Variants in SPATA13 observed in about 807,000 individuals in gnomAD.
SPATA13 encodes spermatogenesis-associated protein 13.
A neutral mutation model predicts 104.0 loss-of-function variants in SPATA13; 50 were observed. The ratio of observed to expected loss-of-function variants is 0.48; its 90% CI spans 0.38 to 0.61. The LOEUF (loss-of-function observed/expected upper bound fraction) is 0.61. Among genes scored for constraint, SPATA13 ranks in the 20% least tolerant of loss-of-function variants. The pLI, the probability that SPATA13 is intolerant of heterozygous loss-of-function variation, is 0.00. For missense variants in SPATA13, 1,524 were observed against 1,690.6 expected, an observed-to-expected ratio of 0.90 and a Z score of 1.73; for synonymous variants, 606 against 667.5, an observed-to-expected ratio of 0.91 and a Z score of 1.42.
Position 24,140,554 on chromosome 13 carries a change from C to G in SPATA13, c.-111-82265C>G, listed in dbSNP as rs552819676. 1.1e-4 allele frequency among the ~76,000 whole-genome samples: 17 copies of G among 152,310 alleles called. No individual in the cohort carries two copies. The East Asian group carries it at 3.1e-3, about 28-fold the overall frequency. On this transcript the variant is annotated intron_variant, in intron 3 of 14. Transcript: ENST00000424834. ...CTGTTTGGATCCAAATTCAGCCTCT[C>G]CCTACAGAGTCAAACGTTCCTCTTC...
At position 24,223,414 on chromosome 13, in the gene SPATA13, C is replaced by A; in HGVS notation, c.485C>A (p.Ser162Tyr). The A allele has an allele frequency of 6.4e-7, 1 of 1,551,194 alleles. No individual in the cohort carries two copies. Among genetic ancestry groups the A allele is most frequent in the Non-Finnish European group, 8.7e-7 (1 of 1,146,976 alleles). ...AVPGAQASRG[S>Y]PLAPGPACGA... ...CCAGGAGCCCAGGCAAGCAGGGGCT[C>A]CCCCTTAGCACCGGGACCAGCATGT... Residue 162 changes from serine (S) to tyrosine (Y), a missense_variant, in exon 2 of 13, where the codon TCC becomes TAC. This residue lies in a region of SPATA13 where 1,089 missense variants were observed against 1,135.9 expected (regional missense o/e 0.96). Transcript: ENST00000382108.
At chr13:23,986,698 G>A (rs1455460139) in intron 2 of SPATA13, among the ~76,000 whole-genome samples, 2 of 152,202 alleles carry the variant, frequency 1.3e-5, no homozygotes, top group Non-Finnish European at 2.9e-5. Context: ...TTGTGAGATA[G>A]CATTGTCTTC....
At chr13:24,288,856 G>A in intron 7 of SPATA13, 143 bp from the exon 8 acceptor site, 1 of 597,048 alleles carries the variant, frequency 1.7e-6, no homozygotes, top group Non-Finnish European at 2.7e-6. Context: ...AGTCATGGAA[G>A]TACGATGACC....
intron 2 of SPATA13, among the ~76,000 whole-genome samples, chr13:23,988,142 A>G (rs532170492): frequency 5.5e-4 from 84 of 152,088 alleles, no homozygotes; most frequent in Non-Finnish European, 9.1e-4. Context: ...ACGGGGTTTC[A>G]CTGTGTTGGC....
At chr13:24,026,033 G>T (rs1877197177) in intron 3 of SPATA13, among the ~76,000 whole-genome samples, 1 of 152,066 alleles carries the variant, frequency 6.6e-6, no homozygotes, top group Non-Finnish European at 1.5e-5. Flanking sequence ...TCGAACTCTG[G>T]ACCTCGTGAT....
At chr13:24,138,405 G>C (rs1022767945) in intron 3 of SPATA13, among the ~76,000 whole-genome samples, 2 of 152,062 alleles carry the variant, frequency 1.3e-5, no homozygotes, top group Admixed American at 1.3e-4. Flanking sequence ...GGTTTAGTGC[G>C]TCAGTTTTCC....
chr13:24,181,972 G>A (rs921372786), intron 1 of SPATA13, among the ~76,000 whole-genome samples: 17 of 152,206 alleles, frequency 1.1e-4, no homozygotes, highest in African/African-American at 3.6e-4. Context: ...AAAATTAGCC[G>A]GATGTGGTGG....
chr13:24,253,173 G>T (rs1220751688), intron 4 of SPATA13: 2 of 152,190 alleles, frequency 1.3e-5, no homozygotes, highest in African/African-American at 4.8e-5. Context: ...GAAGGGTGGG[G>T]TGTCTGTCTC....
Position 24,302,834 on chromosome 13 carries a change from G to A in SPATA13, c.*61G>A, listed in dbSNP as rs762701625. On this transcript the variant is annotated 3_prime_UTR_variant, in exon 13 of 13. Transcript: ENST00000382108. ...AAGAGAAGAACTGTCTTTGTTTCTT[G>A]TGTGCTTCAATCCAGGGAAAGTTTC... is the stretch of plus-strand genomic sequence containing the variant. The A allele has an allele frequency of 1.1e-5, 18 of 1,607,258 alleles. No homozygotes were observed. The East Asian group carries it at 1.6e-4, about 14-fold the overall frequency.
chr13:23,992,883 T>TAAA (rs1171300146), intron 2 of SPATA13, among the ~76,000 whole-genome samples: 2 of 152,234 alleles, frequency 1.3e-5, no homozygotes, highest in African/African-American at 4.8e-5. Context: ...AAAGTGCTTC[T>TAAA]AACAGTGCCT....
intron 3 of SPATA13, among the ~76,000 whole-genome samples, chr13:24,251,148 A>G (rs998899270): frequency 1.3e-5 from 2 of 152,354 alleles, no homozygotes; most frequent in East Asian, 3.9e-4. Flanking sequence ...ATGGAAAACC[A>G]CTTCTTTCAA....
At chr13:24,032,932 C>T (rs1054734689) in intron 3 of SPATA13, among the ~76,000 whole-genome samples, 1 of 152,136 alleles carries the variant, frequency 6.6e-6, no homozygotes, top group Non-Finnish European at 1.5e-5. Flanking sequence ...TGATAAAGTC[C>T]TGGCCAGGGA....
chr13:24,184,283 C>G (rs534598931), intron 1 of SPATA13, among the ~76,000 whole-genome samples: 18 of 152,264 alleles, frequency 1.2e-4, no homozygotes, highest in African/African-American at 4.3e-4. Context: ...TGGTTTTGCC[C>G]TGAACCCAAG....
At chr13:24,170,539 G>A (rs934677631) in intron 1 of SPATA13, among the ~76,000 whole-genome samples, 41 of 152,142 alleles carry the variant, frequency 2.7e-4, no homozygotes, top group Admixed American at 7.2e-4. Flanking sequence ...CTAGGCTTTC[G>A]TGGAAAGTCT....
intron 4 of SPATA13, among the ~76,000 whole-genome samples, chr13:24,281,613 A>T (rs1875529505): frequency 6.7e-6 from 1 of 149,648 alleles, no homozygotes; most frequent in African/African-American, 2.5e-5. Flanking sequence ...TCTGGAAAGG[A>T]GGTGATGGTG....
rs756980501 is a variant in SPATA13 at position 24,284,157 on chromosome 13, G to A, written c.2187G>A (p.Glu729=). 6.2e-7 allele frequency: 1 copy of A among 1,613,618 alleles called. No individual in the cohort carries two copies. The highest frequency in any genetic ancestry group is 2.2e-5 in the East Asian group (1 of 44,882). Residue 729 remains glutamate (E), a synonymous_variant, in exon 5 of 13, where the codon GAG becomes GAA. Coordinates refer to ENST00000382108, the MANE Select transcript of SPATA13 (RefSeq NM_001166271.3). ...ASNVSSDGGT[E]PSALVDDNGS... ...TAGTTTCTTCAGATGGAGGTACTGA[G>A]CCCTCTGCCTTAGTGGATGACAACG...
chr13:24,046,294 T>C, intron 3 of SPATA13, among the ~76,000 whole-genome samples: 1 of 43,140 alleles, frequency 2.3e-5, no homozygotes, highest in South Asian at 1.5e-3. Flanking sequence ...TAGATTTCTT[T>C]TGCCTTTTTT....
At chr13:24,067,655 T>C (rs555502195) in intron 3 of SPATA13, among the ~76,000 whole-genome samples, 2 of 152,288 alleles carry the variant, frequency 1.3e-5, no homozygotes, top group East Asian at 3.9e-4. Context: ...AGGAACAGAA[T>C]CTTGGGGTAG....
chr13:24,224,727 G>T (rs756154152), intron 2 of SPATA13, 145 bp downstream of exon 2: 23 of 804,660 alleles, frequency 2.9e-5, no homozygotes, highest in Non-Finnish European at 4.0e-5. Context: ...GGGAATGGGA[G>T]TTGTCAAGTT....
Sources: gnomAD v4.1 joint callset for allele counts (sites outside exome capture counted in the v4.1 genomes callset) on GRCh38, gnomAD v4.1.1 for gene constraint, gnomAD v4.1.1 regional missense constraint, MANE v1.5 for transcripts, NCBI Gene and HGNC (gene_info 2026-07-23, HGNC 2026-07-21) for gene names.